NUBPL: variants seen among roughly 807,000 people sequenced by gnomAD.
NUBPL encodes NUBP iron-sulfur cluster assembly factor, mitochondrial, also known as iron-sulfur cluster transfer protein NUBPL.
In NUBPL, 31 loss-of-function variants were observed where a neutral mutation model predicts 45.7. That is an observed-to-expected ratio of 0.68 (90% CI 0.51 to 0.92). The LOEUF is 0.92. Ranked by LOEUF, NUBPL falls within the 40% of genes least tolerant of loss-of-function variation. The probability of loss-of-function intolerance (pLI) is 0.00; values close to 1 mark genes in which losing one functional copy is unlikely to be tolerated. For synonymous variants in NUBPL, 144 were observed against 140.9 expected, an observed-to-expected ratio of 1.02 and a Z score of -0.15; for missense variants, 401 against 398.7, an observed-to-expected ratio of 1.01 and a Z score of -0.05.
rs139710313 is a variant in NUBPL at position 31,704,418 on chromosome 14, C to T, written c.513+30844C>T. Among the ~76,000 whole-genome samples, 407 of 152,230 alleles carry T rather than the reference C, an allele frequency of 2.7e-3. 2 individuals carry two copies. The highest frequency in any genetic ancestry group is 9.2e-3 in the African/African-American group (381 of 41,532). ...GTGGCCCACGCCTGTAATCCCAGCA[C>T]ATTGGGAGGCCAAGGTGGGCAGATC... On this transcript the variant is annotated intron_variant, in intron 6 of 10. Transcript: ENST00000281081.
At chr14:31,686,507 G>A (rs2036955449) in intron 6 of NUBPL, among the ~76,000 whole-genome samples, 2 of 152,216 alleles carry the variant, frequency 1.3e-5, no homozygotes, top group African/African-American at 4.8e-5. Flanking sequence ...ATGAGGTTAT[G>A]TGAGGAAAAT....
intron 6 of NUBPL, among the ~76,000 whole-genome samples, chr14:31,762,964 C>T (rs1205497815): frequency 6.6e-6 from 1 of 152,148 alleles, no homozygotes; most frequent in Non-Finnish European, 1.5e-5. Context: ...ACCAATAATT[C>T]TTGAGTTTTC....
chr14:31,594,423 A>G (rs1595338947), intron 3 of NUBPL, among the ~76,000 whole-genome samples: 1 of 152,214 alleles, frequency 6.6e-6, no homozygotes, highest in South Asian at 2.1e-4. Flanking sequence ...AAAACAACCA[A>G]AAAGAAATCT....
chr14:31,630,429 A>G (rs1018743187), intron 4 of NUBPL, among the ~76,000 whole-genome samples: 1 of 152,186 alleles, frequency 6.6e-6, no homozygotes, highest in Non-Finnish European at 1.5e-5. Context: ...AGGCTAGGCT[A>G]ATCAGTGAAT....
At chr14:31,789,720 C>T (rs1724346731) in intron 7 of NUBPL, among the ~76,000 whole-genome samples, 1 of 151,958 alleles carries the variant, frequency 6.6e-6, no homozygotes, top group South Asian at 2.1e-4. Context: ...AAGTTTTTGA[C>T]AAAATATACG....
intron 6 of NUBPL, among the ~76,000 whole-genome samples, chr14:31,701,874 T>C (rs1308963014): frequency 6.6e-6 from 1 of 152,220 alleles, no homozygotes; most frequent in Non-Finnish European, 1.5e-5. Flanking sequence ...AAGTATTGGA[T>C]TACTTTCAAA....
chr14:31,754,595 T>TC (rs1376419647), intron 6 of NUBPL, among the ~76,000 whole-genome samples: 1 of 34,892 alleles, frequency 2.9e-5, no homozygotes, highest in Non-Finnish European at 4.6e-5. Context: ...GGTTTTCTTT[T>TC]TTTTTTTTTT....
At chr14:31,782,901 A>G (rs914193090) in intron 6 of NUBPL, among the ~76,000 whole-genome samples, 9 of 152,378 alleles carry the variant, frequency 5.9e-5, no homozygotes, top group East Asian at 1.9e-4. Context: ...ATGTTTTCCT[A>G]TAGCATAATT....
chr14:31,787,157 GAA>G (rs1156587616), intron 6 of NUBPL, among the ~76,000 whole-genome samples: 1 of 152,140 alleles, frequency 6.6e-6, no homozygotes, highest in Non-Finnish European at 1.5e-5. Context: ...GACTCAGAAG[GAA>G]GAAGTATCTG....
intron 4 of NUBPL, among the ~76,000 whole-genome samples, chr14:31,628,820 T>C (rs1384972862): frequency 6.6e-6 from 1 of 152,198 alleles, no homozygotes; most frequent in East Asian, 1.9e-4. Context: ...GTATACAACA[T>C]TTGAGATGTG....
chr14:31,723,444 T>A (rs1019708853), intron 6 of NUBPL, among the ~76,000 whole-genome samples: 1 of 152,232 alleles, frequency 6.6e-6, no homozygotes, highest in Non-Finnish European at 1.5e-5. Context: ...TGGTTCCACA[T>A]GAATTTTAAA....
intron 6 of NUBPL, among the ~76,000 whole-genome samples, chr14:31,720,660 A>C (rs2037788545): frequency 6.6e-6 from 1 of 152,120 alleles, no homozygotes; most frequent in African/African-American, 2.4e-5. Context: ...CTATCCTTTA[A>C]AGCTGTGCTG....
chr14:31,810,595 A>G (rs1253853368), intron 7 of NUBPL, among the ~76,000 whole-genome samples: 1 of 152,078 alleles, frequency 6.6e-6, no homozygotes, highest in Non-Finnish European at 1.5e-5. Flanking sequence ...TGTCTTTTAA[A>G]TGGGGCATTT....
rs183034534 is a variant in NUBPL at position 31,820,014 on chromosome 14, C to T, written c.608-6615C>T. Reference sequence around the variant, plus strand: ...AATTACCTGGGCATGGTGGCGGGTGCCTGTAGTCCCAGCTACTCAGGAGGC... The same window carrying T: ...AATTACCTGGGCATGGTGGCGGGTGTCTGTAGTCCCAGCTACTCAGGAGGC... On this transcript the variant is annotated intron_variant, in intron 7 of 10. Transcript: ENST00000281081. 1.9e-4 allele frequency among the ~76,000 whole-genome samples: 29 copies of T among 151,938 alleles called. No individual in the cohort carries two copies. In the East Asian group the frequency reaches 2.1e-3, roughly 11 times the overall value.
At chr14:31,834,121 T>C (rs2138990710) in intron 8 of NUBPL, among the ~76,000 whole-genome samples, 1 of 152,090 alleles carries the variant, frequency 6.6e-6, no homozygotes, top group East Asian at 1.9e-4. Flanking sequence ...ACCTTTCCTG[T>C]GGTTTAATTT....
intron 6 of NUBPL, among the ~76,000 whole-genome samples, chr14:31,712,762 G>C (rs1013876856): frequency 6.6e-6 from 1 of 152,222 alleles, no homozygotes; most frequent in South Asian, 2.1e-4. Flanking sequence ...GTCACTGAGA[G>C]AATGAGTATT....
intron 6 of NUBPL, among the ~76,000 whole-genome samples, chr14:31,728,418 G>C (rs1178671734): frequency 6.6e-6 from 1 of 152,094 alleles, no homozygotes; most frequent in Non-Finnish European, 1.5e-5. Flanking sequence ...ACAGGCGTGA[G>C]CTACTGCACC....
intron 8 of NUBPL, 83 bp from the exon 9 acceptor site, chr14:31,846,388 T>C: frequency 9.2e-7 from 1 of 1,087,790 alleles, no homozygotes; most frequent in Non-Finnish European, 1.4e-6. Flanking sequence ...TAGAACTCAG[T>C]AGGCACTCTG....
chr14:31,611,066 G>A (rs1193592955), intron 4 of NUBPL, among the ~76,000 whole-genome samples: 1 of 152,110 alleles, frequency 6.6e-6, no homozygotes, highest in Non-Finnish European at 1.5e-5. Context: ...CATAGTACTG[G>A]AAGTCATAGC....
Sources: gnomAD v4.1 joint callset for allele counts (sites outside exome capture counted in the v4.1 genomes callset) on GRCh38, gnomAD v4.1.1 for gene constraint, MANE v1.5 for transcripts, NCBI Gene and HGNC (gene_info 2026-07-23, HGNC 2026-07-21) for gene names.